The following KATNA1 variants were observed in gnomAD, a reference collection of about 807,000 sequenced individuals.
KATNA1 encodes the protein katanin p60 ATPase-containing subunit A1.
Under a neutral mutation model 62.6 loss-of-function variants are expected in KATNA1, and 42 were observed. That is an observed-to-expected ratio of 0.67 (90% CI 0.52 to 0.87). The LOEUF is 0.87. Ranked by LOEUF, KATNA1 falls within the 40% of genes least tolerant of loss-of-function variation. The probability of loss-of-function intolerance (pLI) is 0.00; values close to 1 mark genes in which losing one functional copy is unlikely to be tolerated. For synonymous variants in KATNA1, 186 were observed against 201.9 expected, an observed-to-expected ratio of 0.92 and a Z score of 0.67; for missense variants, 498 against 612.5, an observed-to-expected ratio of 0.81 and a Z score of 1.97.
chr6:149,611,646 G>C (rs972950039), intron 4 of KATNA1, among the ~76,000 whole-genome samples: 1 of 152,006 alleles, frequency 6.6e-6, no homozygotes, highest in African/African-American at 2.4e-5. Context: ...CAGAGAACAC[G>C]TATTACTGGT....
chr6:149,609,265 A>T (rs1778854521), intron 4 of KATNA1, among the ~76,000 whole-genome samples: 1 of 152,262 alleles, frequency 6.6e-6, no homozygotes, highest in Non-Finnish European at 1.5e-5. Flanking sequence ...AATTGAAAGC[A>T]ATGAAAGAAT....
In KATNA1 at chr6:149,623,320, TCCACATATGGATGAAC is replaced by T. The variant is rs572624317; in HGVS notation, c.321-53_321-38del. On this transcript the variant is annotated intron_variant, in intron 3 of 10. Transcript: ENST00000367411. ...AAAACTCATTAATATCATAATCAAC[TCCACATATGGATGAAC>T]ACACATACTGTGTAAGTTAAGAGTC... 5.4e-4 allele frequency: 787 copies of T among 1,470,062 alleles called. 3 individuals are homozygous for T. In the African/African-American group the frequency reaches 9.8e-3, roughly 18 times the overall value. 91.1% of individuals were successfully genotyped at this position (1,470,062 alleles called of 1,614,324 possible).
chr6:149,608,699 C>G (rs1028948602), intron 4 of KATNA1, among the ~76,000 whole-genome samples: 1 of 152,166 alleles, frequency 6.6e-6, no homozygotes, highest in African/African-American at 2.4e-5. Flanking sequence ...TGTTCTCTCC[C>G]CCACCCCTCC....
At chr6:149,629,369 A>G (rs75919333) in intron 3 of KATNA1, among the ~76,000 whole-genome samples, 2,994 of 152,244 alleles carry the variant, frequency 0.02, 99 homozygotes, top group African/African-American at 0.07. Flanking sequence ...GAGCACACAG[A>G]CAGAAGGTGG....
At chr6:149,596,427 C>T (rs376446032) in intron 10 of KATNA1, among the ~76,000 whole-genome samples, 2 of 152,084 alleles carry the variant, frequency 1.3e-5, no homozygotes, top group East Asian at 1.9e-4. Flanking sequence ...CCCAGCTACT[C>T]GGGAGGCTGA....
intron 4 of KATNA1, among the ~76,000 whole-genome samples, chr6:149,619,561 C>T (rs1779313890): frequency 6.6e-6 from 1 of 151,034 alleles, no homozygotes; most frequent in Non-Finnish European, 1.5e-5. Flanking sequence ...TGTAGTTAGC[C>T]AAGATGATGC....
At chr6:149,626,855 G>A (rs1483157560) in intron 3 of KATNA1, among the ~76,000 whole-genome samples, 2 of 151,256 alleles carry the variant, frequency 1.3e-5, no homozygotes, top group Non-Finnish European at 2.9e-5. Context: ...CTGGTGGCAG[G>A]CGCCTATAAT....
chr6:149,603,016 C>G (rs563802133), intron 6 of KATNA1, among the ~76,000 whole-genome samples: 8 of 152,134 alleles, frequency 5.3e-5, no homozygotes, highest in African/African-American at 1.4e-4. Context: ...CCACCACGCC[C>G]GGCCAAATTC....
intron 4 of KATNA1, among the ~76,000 whole-genome samples, chr6:149,610,372 A>G (rs1230790364): frequency 6.6e-6 from 1 of 152,120 alleles, no homozygotes; most frequent in East Asian, 1.9e-4. Context: ...AGACATTTAT[A>G]GAAAATTCCA....
chr6:149,606,049 T>C (rs9322195), intron 4 of KATNA1, among the ~76,000 whole-genome samples: 140,214 of 152,166 alleles, frequency 0.92, 64,803 homozygotes, highest in East Asian at 1. Flanking sequence ...TGTGAGCCAC[T>C]GTGTCCGGCC....
chr6:149,611,135 T>C (rs745804557), intron 4 of KATNA1, among the ~76,000 whole-genome samples: 6 of 151,640 alleles, frequency 4.0e-5, no homozygotes, highest in Admixed American at 2.0e-4. Context: ...CTCATGAATG[T>C]AGAAAAGAAC....
chr6:149,642,698 T>A (rs1296006145), intron 1 of KATNA1, among the ~76,000 whole-genome samples: 1 of 152,198 alleles, frequency 6.6e-6, no homozygotes, highest in East Asian at 1.9e-4. Flanking sequence ...TAAATCCCAA[T>A]GTCATTTTAT....
At chr6:149,600,308 G>C (rs1778489130) in intron 7 of KATNA1, among the ~76,000 whole-genome samples, 1 of 151,338 alleles carries the variant, frequency 6.6e-6, no homozygotes, top group African/African-American at 2.4e-5. Context: ...TAGACTGCCT[G>C]GGCAACGTAG....
At chr6:149,643,189 C>T (rs1297696767) in intron 1 of KATNA1, among the ~76,000 whole-genome samples, 1 of 152,226 alleles carries the variant, frequency 6.6e-6, no homozygotes, top group Non-Finnish European at 1.5e-5. Context: ...CCACCAGCCC[C>T]TGAGGAACTG....
intron 4 of KATNA1, among the ~76,000 whole-genome samples, chr6:149,616,350 T>C (rs1779166128): frequency 6.6e-6 from 1 of 152,214 alleles, no homozygotes; most frequent in Non-Finnish European, 1.5e-5. Context: ...TACATGGTTA[T>C]TATCAAAGAA....
chr6:149,628,600 T>A (rs890111747), intron 3 of KATNA1, among the ~76,000 whole-genome samples: 6 of 151,666 alleles, frequency 4.0e-5, no homozygotes, highest in African/African-American at 1.5e-4. Context: ...GGCAGGTGGA[T>A]CACGAGGTCA....
At chr6:149,631,392 C>G (rs1779829543) in intron 3 of KATNA1, 1 of 152,000 alleles carries the variant, frequency 6.6e-6, no homozygotes, top group Non-Finnish European at 1.5e-5. Context: ...GAGTGAGACT[C>G]CGTCTCAAAA....
chr6:149,648,132 T>G (rs1250242533), intron 1 of KATNA1, among the ~76,000 whole-genome samples: 2 of 152,106 alleles, frequency 1.3e-5, no homozygotes, highest in African/African-American at 4.8e-5. Context: ...TGTGAGGGTT[T>G]CGGGGTGGGG....
In KATNA1 at chr6:149,609,802, C is replaced by CAAAAAAAAAA. The variant is rs1169018343; in HGVS notation, c.502-5030_502-5021dup. ...TGGGCGACAGAGCTAGACTCCATCT[C>CAAAAAAAAAA]AAAAAAAAAAAAAATAGGCCAGGTG... On this transcript the variant is annotated intron_variant, in intron 4 of 10. Coordinates refer to ENST00000367411, the MANE Select transcript of KATNA1 (RefSeq NM_007044.4). Among the ~76,000 whole-genome samples, 56 of 64,514 alleles carry CAAAAAAAAAA rather than the reference C, an allele frequency of 8.7e-4. 1 individual carries two copies. The highest frequency in any genetic ancestry group is 9.6e-4 in the Non-Finnish European group (35 of 36,338). 42.3% of individuals were successfully genotyped at this position (64,514 alleles called of 152,430 possible). A position where few individuals can be genotyped will look rare whatever the true frequency, so the allele number is the denominator to read the frequency against.
Sources: gnomAD v4.1 joint callset for allele counts (sites outside exome capture counted in the v4.1 genomes callset) on GRCh38, gnomAD v4.1.1 for gene constraint, MANE v1.5 for transcripts, NCBI Gene and HGNC (gene_info 2026-07-23, HGNC 2026-07-21) for gene names.